OTOG: variants seen among roughly 807,000 people sequenced by gnomAD.
OTOG encodes otogelin.
Under a neutral mutation model 313.8 loss-of-function variants are expected in OTOG, and 296 were observed. The observed-to-expected ratio is 0.94, with a 90% CI of 0.86 to 1.04. The LOEUF is 1.04. Among genes scored for constraint, OTOG ranks in the 50% least tolerant of loss-of-function variants. The probability of loss-of-function intolerance (pLI) is 0.00; values close to 1 mark genes in which losing one functional copy is unlikely to be tolerated. For synonymous variants in OTOG, 1,533 were observed against 1,554.9 expected, an observed-to-expected ratio of 0.99 and a Z score of 0.33; for missense variants, 3,948 against 3,840.1, an observed-to-expected ratio of 1.03 and a Z score of -0.74.
intron 40 of OTOG, among the ~76,000 whole-genome samples, chr11:17,630,250 C>A (rs1854087812): frequency 6.6e-6 from 1 of 152,174 alleles, no homozygotes; most frequent in South Asian, 2.1e-4. Context: ...ACCATCCCCA[C>A]CACCACCAAC....
intron 22 of OTOG, 36 bp from the exon 23 acceptor site, chr11:17,578,337 C>T (rs1169388068): frequency 1.4e-6 from 2 of 1,451,422 alleles, no homozygotes; most frequent in East Asian, 2.6e-5. Context: ...CATACTGAGG[C>T]CCCAGGGCCT....
In OTOG at chr11:17,633,810, C is replaced by T. The variant is rs1370563064; in HGVS notation, c.7203C>T (p.Val2401=). The change falls in exon 43 of 56, where the codon GTC becomes GTT. Residue 2401 remains valine (V), a synonymous_variant. Coordinates refer to ENST00000399397, the MANE Select transcript of OTOG (RefSeq NM_001292063.2). ...GCCAGGTGCTGGGCGAGGGCTGCGT[C>T]TGCTCCGAGGGCACCATCTTACACC... is the stretch of plus-strand genomic sequence containing the variant. ...EHCQVLGEGC[V]CSEGTILHRR... is the part of the protein sequence containing the mutation. The T allele has an allele frequency of 1.1e-5, 17 of 1,550,260 alleles. No individual in the cohort carries two copies. Among genetic ancestry groups the T allele is most frequent in the Non-Finnish European group, 1.3e-5 (15 of 1,146,962 alleles).
intron 44 of OTOG, 118 bp downstream of exon 44, chr11:17,634,399 G>A (rs116447601): frequency 7.0e-6 from 8 of 1,150,976 alleles, no homozygotes; most frequent in Non-Finnish European, 9.8e-6. Flanking sequence ...TGTCTTGTAG[G>A]GGGTGAGCTT....
intron 49 of OTOG, among the ~76,000 whole-genome samples, chr11:17,640,509 G>A (rs548318069): frequency 1.3e-5 from 2 of 152,314 alleles, no homozygotes; most frequent in East Asian, 3.9e-4. Flanking sequence ...TGAGCCACCC[G>A]GGGCTCTGTC....
chr11:17,578,477 A>T lies in OTOG; in HGVS notation c.2710A>T (p.Ser904Cys). 6.5e-7 allele frequency: 1 copy of T among 1,540,808 alleles called. No homozygotes were observed. Among genetic ancestry groups the T allele is most frequent in the Non-Finnish European group, 8.7e-7 (1 of 1,146,852 alleles). ...RTCEQQLLNL[S>C]VSARGPCLSG... ...GTGTGAGCAGCAACTGCTGAACCTGAGCGTGTCAGCCCGTGGCCCCTGCCT... is the reference window on the plus strand; with the variant it reads ...GTGTGAGCAGCAACTGCTGAACCTGTGCGTGTCAGCCCGTGGCCCCTGCCT... Residue 904 changes from serine to cysteine, a missense_variant, in exon 23 of 56, where the codon AGC (serine) becomes TGC (cysteine). Physicochemically the swap from Ser to Cys is moderately radical, Grantham distance 112. Transcript: ENST00000399397.
At chr11:17,551,818 G>C (rs1288407494) in intron 3 of OTOG, among the ~76,000 whole-genome samples, 182 bp from the exon 4 acceptor site, 1 of 152,122 alleles carries the variant, frequency 6.6e-6, no homozygotes, top group Non-Finnish European at 1.5e-5. Context: ...CCCAGGGCAG[G>C]CCTAAACATT....
At chr11:17,640,612 C>T (rs921139538) in intron 49 of OTOG, 133 bp from the exon 50 acceptor site, 2 of 942,840 alleles carry the variant, frequency 2.1e-6, no homozygotes, top group African/African-American at 3.3e-5. Flanking sequence ...TGCTGAGGGG[C>T]CCCAGGCCTG....
At position 17,586,595 on chromosome 11, in the gene OTOG, C is replaced by A. The variant is rs1249884951; in HGVS notation, c.2867+14C>A. The A allele has an allele frequency of 3.0e-6, 4 of 1,346,652 alleles. No individual in the cohort carries two copies. The highest frequency in any genetic ancestry group is 3.9e-5 in the South Asian group (2 of 50,880). The allele number at this position is 1,346,652 out of a possible 1,614,324, so 83.4% of individuals were successfully genotyped here. A position where few individuals can be genotyped will look rare whatever the true frequency, so the allele number is the denominator to read the frequency against. ...TTGCCATACCTGGTAAGTGAGGGTC[C>A]CAAGCAGGCTTTGCTTTTTTGCTGG... On this transcript the variant is annotated intron_variant, in intron 24 of 55. Transcript: ENST00000399397.
chr11:17,612,456 C>A lies in OTOG; in HGVS notation c.6292+126C>A, dbSNP rs1005539966. 5 of 1,391,738 alleles carry A rather than the reference C, an allele frequency of 3.6e-6. No homozygotes were observed. In the African/African-American group the frequency reaches 7.2e-5, roughly 20 times the overall value. 86.2% of individuals were successfully genotyped at this position (1,391,738 alleles called of 1,614,324 possible). ...GGACCCCGACCTGGCAGATTTCCTA[C>A]GCTTGTGACCTCTGATCTGTGTGAT... On this transcript the variant is annotated intron_variant, in intron 37 of 55. Transcript: ENST00000399397.
chr11:17,632,370 A>G (rs1274042792), intron 42 of OTOG, 144 bp downstream of exon 42: 1 of 664,624 alleles, frequency 1.5e-6, no homozygotes, highest in Non-Finnish European at 2.1e-6. Context: ...GTAAATTTAT[A>G]AATATTTCAT....
chr11:17,621,616 G>C (rs1853866863), intron 39 of OTOG, among the ~76,000 whole-genome samples: 2 of 151,660 alleles, frequency 1.3e-5, no homozygotes, highest in Admixed American at 6.6e-5. Context: ...CTCTCTCTCT[G>C]TCTGCCATGC....
chr11:17,573,329 C>T, intron 19 of OTOG, 39 bp downstream of exon 19: 2 of 1,483,308 alleles, frequency 1.3e-6, no homozygotes, highest in Non-Finnish European at 1.8e-6. Flanking sequence ...CTGGAGGAGC[C>T]AGAGCTCCAG....
chr11:17,592,666 G>A (rs1429910197), intron 25 of OTOG, among the ~76,000 whole-genome samples: 2 of 151,920 alleles, frequency 1.3e-5, no homozygotes, highest in African/African-American at 4.8e-5. Flanking sequence ...TTTTTCTTTT[G>A]AACAGCTGTG....
chr11:17,640,888 G>A, intron 50 of OTOG, 25 bp from the exon 51 acceptor site: 1 of 1,549,122 alleles, frequency 6.5e-7, no homozygotes, highest in Non-Finnish European at 8.7e-7. Flanking sequence ...CTGGATGACT[G>A]TTGCCGCCCT....
Position 17,573,295 on chromosome 11 carries a change from G to A in OTOG, c.2293+5G>A. 1 of 1,518,954 alleles carries A rather than the reference G, an allele frequency of 6.6e-7. No individual in the cohort carries two copies. Among genetic ancestry groups the A allele is most frequent in the Non-Finnish European group, 8.8e-7 (1 of 1,135,764 alleles). 94.1% of individuals were successfully genotyped at this position (1,518,954 alleles called of 1,614,324 possible). On this transcript the variant is annotated splice_donor_5th_base_variant and intron_variant, in intron 19 of 55. Transcript: ENST00000399397. The stretch of plus-strand genomic sequence containing the variant: ...GCGCCCGCCTGCCAGCCTGTGGTGA[G>A]TGCCCCACCCATGTGAGGCTGAGCT...
At chr11:17,586,891 G>A (rs1412897282) in intron 24 of OTOG, among the ~76,000 whole-genome samples, 2 of 152,198 alleles carry the variant, frequency 1.3e-5, no homozygotes, top group Non-Finnish European at 2.9e-5. Flanking sequence ...AATCCAAAAT[G>A]CACATGTGCA....
intron 15 of OTOG, among the ~76,000 whole-genome samples, chr11:17,568,428 T>C (rs559008645): frequency 5.6e-4 from 86 of 152,224 alleles, no homozygotes; most frequent in Non-Finnish European, 1.0e-3. Flanking sequence ...TCATATGCTT[T>C]TCTAACACTC....
At position 17,570,393 on chromosome 11, in the gene OTOG, A is replaced by G. The variant is rs1590008516; in HGVS notation, c.1955+3A>G. The G allele has an allele frequency of 6.5e-7, 1 of 1,550,040 alleles. No individual in the cohort carries two copies. Among genetic ancestry groups the G allele is most frequent in the Non-Finnish European group, 8.7e-7 (1 of 1,146,630 alleles). ...GGCAACACGCAGGATGACTTCCTGT[A>G]CGTAGCCCTGCCACGGAACCCGAAG... On this transcript the variant is annotated splice_donor_region_variant and intron_variant, in intron 17 of 55. Coordinates refer to ENST00000399397, the MANE Select transcript of OTOG (RefSeq NM_001292063.2).
chr11:17,617,635 A>G (rs1853755245), intron 39 of OTOG, among the ~76,000 whole-genome samples: 2 of 152,154 alleles, frequency 1.3e-5, no homozygotes, highest in Non-Finnish European at 2.9e-5. Context: ...TAATTTCTGT[A>G]GGATCTGAAT....
Sources: gnomAD v4.1 joint callset for allele counts (sites outside exome capture counted in the v4.1 genomes callset) on GRCh38, gnomAD v4.1.1 for gene constraint, MANE v1.5 for transcripts, NCBI Gene and HGNC (gene_info 2026-07-23, HGNC 2026-07-21) for gene names.